The following SPATS2L variants were observed in gnomAD, a reference collection of about 807,000 sequenced individuals.
SPATS2L encodes the protein SPATS2-like protein.
Under a neutral mutation model 59.6 loss-of-function variants are expected in SPATS2L, and 30 were observed. The observed-to-expected ratio is 0.50, with a 90% CI of 0.38 to 0.68. The LOEUF (loss-of-function observed/expected upper bound fraction) is 0.68, where lower values mean the gene tolerates loss of function less well. Among genes scored for constraint, SPATS2L ranks in the 30% least tolerant of loss-of-function variants. SPATS2L has a pLI of 0.00. For missense variants in SPATS2L, 615 were observed against 700.0 expected (o/e 0.88, Z 1.37); for synonymous variants, 252 against 263.5 (o/e 0.96, Z 0.42).
chr2:200,389,558 A>G lies in SPATS2L; in HGVS notation c.39+275A>G, dbSNP rs570054674. On this transcript the variant is annotated intron_variant, in intron 3 of 12. Coordinates refer to ENST00000409140, the MANE Select transcript of SPATS2L (RefSeq NM_001100423.2). ...TTCCATTTTACAGAGGTGGAAATTG[A>G]GAAACAGAGAAGTAATTTGGCTAAG... 18 of 324,802 alleles carry G rather than the reference A, an allele frequency of 5.5e-5. No homozygotes were observed. The East Asian group carries it at 1.1e-3, about 19-fold the overall frequency. The allele number at this position is 324,802 out of a possible 1,614,324, so 20.1% of individuals were successfully genotyped here.
intron 2 of SPATS2L, among the ~76,000 whole-genome samples, chr2:200,334,248 G>A (rs921466668): frequency 1.3e-5 from 2 of 152,168 alleles, no homozygotes; most frequent in Non-Finnish European, 2.9e-5. Context: ...TTTCTCTGAT[G>A]GCCAGTGATG....
intron 2 of SPATS2L, among the ~76,000 whole-genome samples, chr2:200,333,080 A>G (rs2080005828): frequency 6.6e-6 from 1 of 152,002 alleles, no homozygotes; most frequent in Non-Finnish European, 1.5e-5. Context: ...CAGGAGTTCA[A>G]GACCAGCCTG....
chr2:200,352,781 G>A (rs2080786803), intron 2 of SPATS2L, among the ~76,000 whole-genome samples: 1 of 152,156 alleles, frequency 6.6e-6, no homozygotes. Context: ...AGGTGAAGGG[G>A]TAATGAATTC....
intron 2 of SPATS2L, among the ~76,000 whole-genome samples, chr2:200,378,718 T>C (rs1316652619): frequency 6.6e-6 from 1 of 152,190 alleles, no homozygotes; most frequent in African/African-American, 2.4e-5. Context: ...TGTGAAGAGA[T>C]GATGGGTTCC....
intron 8 of SPATS2L, among the ~76,000 whole-genome samples, chr2:200,455,449 A>G (rs1454819358): frequency 3.3e-5 from 5 of 152,144 alleles, no homozygotes; most frequent in Admixed American, 3.3e-4. Flanking sequence ...TCCTCCTGGG[A>G]TGTCAGGAAG....
chr2:200,367,487 T>C (rs1259487183), intron 2 of SPATS2L, among the ~76,000 whole-genome samples: 1 of 152,234 alleles, frequency 6.6e-6, no homozygotes, highest in East Asian at 1.9e-4. Flanking sequence ...AATGATCTGA[T>C]GACTCAAAAT....
chr2:200,373,617 G>C (rs1002626383), intron 2 of SPATS2L, among the ~76,000 whole-genome samples: 4 of 152,022 alleles, frequency 2.6e-5, no homozygotes, highest in African/African-American at 9.7e-5. Context: ...TGTAATATTT[G>C]GTGTTAGTCA....
intron 2 of SPATS2L, among the ~76,000 whole-genome samples, chr2:200,343,112 G>T (rs944181500): frequency 1.1e-4 from 16 of 152,140 alleles, no homozygotes; most frequent in Non-Finnish European, 1.0e-4. Flanking sequence ...CTAATTGGGA[G>T]AATAACTTGG....
chr2:200,378,506 C>A, intron 2 of SPATS2L: 2 of 530,172 alleles, frequency 3.8e-6, no homozygotes, highest in Non-Finnish European at 5.0e-6. Context: ...TCTTTCCCAC[C>A]AAGTGCCAGT....
chr2:200,424,865 G>A (rs1201464379), intron 6 of SPATS2L, among the ~76,000 whole-genome samples: 1 of 152,058 alleles, frequency 6.6e-6, no homozygotes, highest in Non-Finnish European at 1.5e-5. Flanking sequence ...TTGCCTCCTC[G>A]TGTAAAGCAT....
At position 200,439,289 on chromosome 2, in the gene SPATS2L, C is replaced by T. The variant is rs2084524601; in HGVS notation, c.613C>T (p.His205Tyr). The change falls in exon 7 of 13, where the codon CAT (histidine) becomes TAT (tyrosine). Residue 205 changes from histidine (H) to tyrosine (Y), a missense_variant. By Grantham distance (83) the His-to-Tyr change is moderately conservative (BLOSUM62 2). Transcript: ENST00000409140. Reference sequence around the variant, plus strand: ...TGTTAAGTCCAATACCCCTGCAGCTCATCTTGAAATAAAGCCAGATGAGTT... The same window carrying T: ...TGTTAAGTCCAATACCCCTGCAGCTTATCTTGAAATAAAGCCAGATGAGTT... ...SPVKSNTPAAHLEIKPDELAK... is the reference protein window; with the variant it reads ...SPVKSNTPAAYLEIKPDELAK... The T allele has an allele frequency of 1.2e-6, 2 of 1,613,504 alleles. No homozygotes were observed. Among genetic ancestry groups the T allele is most frequent in the East Asian group, 2.2e-5 (1 of 44,874 alleles).
At chr2:200,306,384 A>C, upstream of SPATS2L, 1 of 1,002,214 alleles carries the variant, frequency 1.0e-6, no homozygotes, top group Non-Finnish European at 1.2e-6. Context: ...GGTTTGGGGA[A>C]AGGCGAGGAA....
At chr2:200,308,287 A>G (rs1271877340) in intron 1 of SPATS2L, among the ~76,000 whole-genome samples, 2 of 152,108 alleles carry the variant, frequency 1.3e-5, no homozygotes, top group Non-Finnish European at 2.9e-5. Flanking sequence ...CTGAAAATAG[A>G]GTGGCCGTCT....
At chr2:200,468,437 T>C (rs1176529323) in intron 10 of SPATS2L, among the ~76,000 whole-genome samples, 1 of 146,614 alleles carries the variant, frequency 6.8e-6, no homozygotes, top group Non-Finnish European at 1.5e-5. Flanking sequence ...ACACAGCTGC[T>C]GCTAGCTTTG....
intron 2 of SPATS2L, among the ~76,000 whole-genome samples, chr2:200,365,894 T>C (rs2081254207): frequency 6.6e-6 from 1 of 152,216 alleles, no homozygotes; most frequent in Non-Finnish European, 1.5e-5. Flanking sequence ...TTGTATTTCA[T>C]GTACTGTTCT....
intron 2 of SPATS2L, among the ~76,000 whole-genome samples, chr2:200,382,173 G>A (rs2081837124): frequency 6.6e-6 from 1 of 152,024 alleles, no homozygotes; most frequent in South Asian, 2.1e-4. Flanking sequence ...CAATTCTCCT[G>A]TCTCAGCCCC....
intron 2 of SPATS2L, among the ~76,000 whole-genome samples, chr2:200,366,220 T>G (rs2081264121): frequency 6.6e-6 from 1 of 152,168 alleles, no homozygotes; most frequent in Non-Finnish European, 1.5e-5. Flanking sequence ...CTAGACTACT[T>G]GAACATGGAT....
At chr2:200,444,128 C>A (rs767426983) in intron 8 of SPATS2L, among the ~76,000 whole-genome samples, 1 of 152,172 alleles carries the variant, frequency 6.6e-6, no homozygotes. Flanking sequence ...CAGGAACTAA[C>A]ATGAAACAGC....
chr2:200,445,346 T>G (rs2084963725), intron 8 of SPATS2L, among the ~76,000 whole-genome samples: 1 of 152,160 alleles, frequency 6.6e-6, no homozygotes, highest in African/African-American at 2.4e-5. Flanking sequence ...AAAGTGGGAC[T>G]TTTAGGCAGA....
Sources: allele counts gnomAD v4.1 joint callset (sites outside exome capture counted in the v4.1 genomes callset), GRCh38; gene constraint gnomAD v4.1.1; transcripts MANE v1.5; gene names NCBI Gene and HGNC (gene_info 2026-07-23, HGNC 2026-07-21).